Variants in MDGA2 observed in about 807,000 individuals in gnomAD.
MDGA2 encodes the protein MAM domain-containing glycosylphosphatidylinositol anchor protein 2.
MDGA2 carries 40 observed loss-of-function variants against 117.8 expected under a neutral mutation model. The observed-to-expected ratio is 0.34, with a 90% CI of 0.26 to 0.44. The LOEUF (loss-of-function observed/expected upper bound fraction) is 0.44. Among genes scored for constraint, MDGA2 ranks in the 20% least tolerant of loss-of-function variants. The pLI is 1.00. For missense variants in MDGA2, 1,123 were observed against 1,250.6 expected, an observed-to-expected ratio of 0.90 and a Z score of 1.54; for synonymous variants, 452 against 439.0, an observed-to-expected ratio of 1.03 and a Z score of -0.37.
intron 3 of MDGA2, 57 bp downstream of exon 3, chr14:47,217,964 T>G: frequency 1.5e-6 from 2 of 1,361,258 alleles, no homozygotes; most frequent in East Asian, 2.7e-5. Context: ...CATAGACTTG[T>G]AAGACAAAAG....
intron 2 of MDGA2, among the ~76,000 whole-genome samples, chr14:47,300,633 G>A (rs567085386): frequency 6.6e-6 from 1 of 152,000 alleles, no homozygotes; most frequent in South Asian, 2.1e-4. Flanking sequence ...GAGACTACGG[G>A]TGTGCAACAC....
chr14:47,259,256 C>G (rs1887718523), intron 2 of MDGA2, among the ~76,000 whole-genome samples: 1 of 151,944 alleles, frequency 6.6e-6, no homozygotes, highest in African/African-American at 2.4e-5. Flanking sequence ...CTCATCAAAT[C>G]TTTCTGAAGC....
chr14:46,875,588 T>C (rs989661240), intron 12 of MDGA2, among the ~76,000 whole-genome samples: 1 of 151,732 alleles, frequency 6.6e-6, no homozygotes, highest in African/African-American at 2.4e-5. Context: ...AAACAAGACA[T>C]GACCTTTTGA....
At chr14:47,374,657 A>G (rs544047728) in intron 1 of MDGA2, among the ~76,000 whole-genome samples, 2 of 152,050 alleles carry the variant, frequency 1.3e-5, no homozygotes, top group African/African-American at 2.4e-5. Flanking sequence ...TGACAGATCA[A>G]TTTAGGAGTA....
At chr14:47,495,555 A>G (rs1231887477) in intron 1 of MDGA2, among the ~76,000 whole-genome samples, 1 of 152,216 alleles carries the variant, frequency 6.6e-6, no homozygotes, top group African/African-American at 2.4e-5. Flanking sequence ...CTCTATTTTC[A>G]AATTATATAC....
At chr14:46,850,699 C>G (rs1201725112) in intron 15 of MDGA2, among the ~76,000 whole-genome samples, 1 of 151,876 alleles carries the variant, frequency 6.6e-6, no homozygotes, top group African/African-American at 2.4e-5. Flanking sequence ...TAGTGGGTAG[C>G]CTTGGCTTTT....
intron 7 of MDGA2, among the ~76,000 whole-genome samples, chr14:47,053,555 C>T (rs1205302425): frequency 4.8e-5 from 7 of 145,128 alleles, no homozygotes; most frequent in Non-Finnish European, 7.5e-5. Flanking sequence ...CTCATCTAAG[C>T]CAACAGCTTT....
intron 3 of MDGA2, among the ~76,000 whole-genome samples, chr14:47,149,427 C>T (rs1655197320): frequency 6.6e-6 from 1 of 152,204 alleles, no homozygotes; most frequent in Non-Finnish European, 1.5e-5. Context: ...ATAGCATCTA[C>T]TGCTATCAAC....
chr14:46,931,982 A>G (rs1321289226), intron 9 of MDGA2, among the ~76,000 whole-genome samples: 3 of 152,146 alleles, frequency 2.0e-5, no homozygotes, highest in Non-Finnish European at 4.4e-5. Context: ...AATAAGTAAT[A>G]TAGAGCAAAA....
intron 3 of MDGA2, among the ~76,000 whole-genome samples, chr14:47,158,708 G>T (rs1379695774): frequency 6.6e-6 from 1 of 152,128 alleles, no homozygotes; most frequent in Non-Finnish European, 1.5e-5. Context: ...GCGTGCCTCG[G>T]CCTCCCAAAG....
Position 47,580,036 on chromosome 14 carries a change from T to C in MDGA2, c.280+94481A>G, listed in dbSNP as rs1896200278. On this transcript the variant is annotated intron_variant, in intron 1 of 16. Coordinates refer to ENST00000399232, the MANE Select transcript of MDGA2 (RefSeq NM_001113498.3). ...TGAAAGCAGATCCAAAGAGATTGTT[T>C]TTCTTTGTCAAATTCACACCCCAAT... Among the ~76,000 whole-genome samples the C allele has an allele frequency of 1.3e-5, 2 of 152,102 alleles. 1 individual carries two copies. Among genetic ancestry groups the C allele is most frequent in the Admixed American group, 1.3e-4 (2 of 15,244 alleles).
intron 8 of MDGA2, among the ~76,000 whole-genome samples, chr14:46,975,591 C>T (rs943317702): frequency 1.3e-4 from 19 of 151,934 alleles, no homozygotes; most frequent in African/African-American, 4.4e-4. Context: ...AAACTAGTAA[C>T]AAAAAGACAA....
At chr14:47,284,778 C>T (rs1004617543) in intron 2 of MDGA2, among the ~76,000 whole-genome samples, 1 of 149,930 alleles carries the variant, frequency 6.7e-6, no homozygotes, top group Non-Finnish European at 1.5e-5. Flanking sequence ...TAATGCTCTC[C>T]TGTGGTAAGA....
At chr14:47,003,803 T>C (rs1313656393) in intron 8 of MDGA2, among the ~76,000 whole-genome samples, 1 of 152,036 alleles carries the variant, frequency 6.6e-6, no homozygotes, top group Non-Finnish European at 1.5e-5. Context: ...TTATTATTTA[T>C]TTCTTTTGTG....
chr14:46,869,483 C>T lies in MDGA2; in HGVS notation c.2752+3950G>A, dbSNP rs1201418263. The stretch of plus-strand genomic sequence containing the variant: ...TCATGGCCAGATGTTGTATCACTTA[C>T]ATATAAATCAGCAGGTACTTTAAGG... On this transcript the variant is annotated intron_variant, in intron 14 of 16. Coordinates refer to ENST00000399232, the MANE Select transcript of MDGA2 (RefSeq NM_001113498.3). Among the ~76,000 whole-genome samples the T allele has an allele frequency of 5.3e-5, 8 of 151,362 alleles. No individual in the cohort carries two copies. In the East Asian group the frequency reaches 5.9e-4, roughly 11 times the overall value.
chr14:47,485,745 C>G (rs530916865), intron 1 of MDGA2, among the ~76,000 whole-genome samples: 1 of 152,156 alleles, frequency 6.6e-6, no homozygotes, highest in African/African-American at 2.4e-5. Context: ...GGGGACAATG[C>G]AGAGCTTGGG....
chr14:47,173,163 C>T (rs1315414649), intron 3 of MDGA2, among the ~76,000 whole-genome samples: 1 of 152,204 alleles, frequency 6.6e-6, no homozygotes, highest in East Asian at 1.9e-4. Flanking sequence ...AAGACCAAAT[C>T]TACGTCTGAT....
chr14:47,121,282 G>C (rs1881636501), intron 5 of MDGA2, among the ~76,000 whole-genome samples: 1 of 151,940 alleles, frequency 6.6e-6, no homozygotes, highest in South Asian at 2.1e-4. Flanking sequence ...AACATGTTTA[G>C]GTTTCTTCAT....
At chr14:47,074,353 T>G (rs1481788275) in intron 6 of MDGA2, among the ~76,000 whole-genome samples, 2 of 151,570 alleles carry the variant, frequency 1.3e-5, no homozygotes, top group African/African-American at 4.9e-5. Flanking sequence ...CAGGCTGGAG[T>G]GCAGTGCGGT....
Sources: allele counts gnomAD v4.1 joint callset (sites outside exome capture counted in the v4.1 genomes callset), GRCh38; gene constraint gnomAD v4.1.1; transcripts MANE v1.5; gene names NCBI Gene and HGNC (gene_info 2026-07-23, HGNC 2026-07-21).